The following SYNJ1 variants were observed in gnomAD, a reference collection of about 807,000 sequenced individuals.
SYNJ1 encodes polyphosphatidylinositol phosphatase SYNJ1.
SYNJ1 carries 78 observed loss-of-function variants against 168.2 expected under a neutral mutation model. That is an observed-to-expected ratio of 0.46 (90% CI 0.39 to 0.56). The LOEUF (loss-of-function observed/expected upper bound fraction) is 0.56. Among genes scored for constraint, SYNJ1 ranks in the 20% least tolerant of loss-of-function variants. SYNJ1 has a pLI of 0.00. For missense variants in SYNJ1, 1,303 were observed against 1,597.6 expected (o/e 0.82, Z 3.14); for synonymous variants, 539 against 548.6 (o/e 0.98, Z 0.24).
chr21:32,713,755 T>C (rs1048722312), intron 2 of SYNJ1, among the ~76,000 whole-genome samples: 1 of 148,730 alleles, frequency 6.7e-6, no homozygotes, highest in Non-Finnish European at 1.5e-5. Flanking sequence ...ATTTCCCATA[T>C]GTCAACATGG....
intron 4 of SYNJ1, among the ~76,000 whole-genome samples, chr21:32,696,243 T>C (rs2042209147): frequency 6.6e-6 from 1 of 152,222 alleles, no homozygotes; most frequent in South Asian, 2.1e-4. Context: ...GGCTACCACA[T>C]TAGATAGTGC....
chr21:32,653,400 A>G, intron 21 of SYNJ1, 34 bp from the exon 22 acceptor site: 1 of 1,498,700 alleles, frequency 6.7e-7, no homozygotes, highest in South Asian at 1.1e-5. Context: ...CATAATTAAT[A>G]CCATAGACAT....
intron 6 of SYNJ1, among the ~76,000 whole-genome samples, chr21:32,691,218 C>T (rs1325127708): frequency 2.0e-5 from 3 of 152,116 alleles, no homozygotes; most frequent in Non-Finnish European, 4.4e-5. Context: ...CACTATGCCC[C>T]CTTGTATTGT....
chr21:32,726,811 C>A lies in SYNJ1; in HGVS notation c.85G>T (p.Glu29Ter), dbSNP rs2043476872. 6 of 1,614,184 alleles carry A rather than the reference C, an allele frequency of 3.7e-6. No individual in the cohort carries two copies. Among genetic ancestry groups the A allele is most frequent in the Non-Finnish European group, 3.4e-6 (4 of 1,180,038 alleles). Reference sequence around the variant, plus strand: ...GCCCCAGACTCGAACATGAGACATTCTTCCTTATGCCTAGTTTCCACTATG... The same window carrying A: ...GCCCCAGACTCGAACATGAGACATTATTCCTTATGCCTAGTTTCCACTATG... ...SLIVETRHKE[E>*]CLMFESGAVA... The change falls in exon 2 of 33, where the codon GAA becomes TAA. Residue 29 changes from glutamate (E) to a stop codon, truncating the protein, a stop_gained. Coordinates refer to ENST00000674351, the MANE Select transcript of SYNJ1 (RefSeq NM_203446.3). LOFTEE classifies it high-confidence loss of function.
At chr21:32,665,389 A>G (rs1053863636) in intron 17 of SYNJ1, among the ~76,000 whole-genome samples, 7 of 152,192 alleles carry the variant, frequency 4.6e-5, no homozygotes, top group Admixed American at 1.3e-4. Context: ...GTATAGACTG[A>G]ACTCAAAGTC....
chr21:32,650,177 A>C lies in SYNJ1; in HGVS notation c.3037+7T>G. 1.3e-6 allele frequency: 2 copies of C among 1,596,434 alleles called. No individual in the cohort carries two copies. The highest frequency in any genetic ancestry group is 1.7e-6 in the Non-Finnish European group (2 of 1,174,782). On this transcript the variant is annotated splice_region_variant and intron_variant, in intron 23 of 32. Transcript: ENST00000674351. ...CTACAAGAAGTAAATGTGTTTAAGAAACAAACCTTCCATATCAAAATCTGC... is the reference window on the plus strand; with the variant it reads ...CTACAAGAAGTAAATGTGTTTAAGACACAAACCTTCCATATCAAAATCTGC...
chr21:32,697,957 C>G lies in SYNJ1; in HGVS notation c.479+1881G>C, dbSNP rs558048420. Among the ~76,000 whole-genome samples, 5 of 152,352 alleles carry G rather than the reference C, an allele frequency of 3.3e-5. No homozygotes were observed. The East Asian group carries it at 7.7e-4, about 24-fold the overall frequency. ...AGGAGGGAAAAAAATGTAAGGACAG[C>G]TGCAACACATTTACCTTTTCAAGGG... On this transcript the variant is annotated intron_variant, in intron 4 of 32. Coordinates refer to ENST00000674351, the MANE Select transcript of SYNJ1 (RefSeq NM_203446.3).
chr21:32,678,828 C>T (rs1421272325), intron 11 of SYNJ1, 27 bp from the exon 12 acceptor site: 2 of 1,589,576 alleles, frequency 1.3e-6, no homozygotes, highest in South Asian at 1.2e-5. Context: ...GAAAGGAGCG[C>T]AGATTTTCAT....
intron 9 of SYNJ1, among the ~76,000 whole-genome samples, chr21:32,684,327 G>C (rs1353571018): frequency 6.6e-6 from 1 of 152,150 alleles, no homozygotes; most frequent in East Asian, 1.9e-4. Context: ...TGTCACATAT[G>C]CTTCATTACA....
chr21:32,651,430 G>A (rs997547126), intron 22 of SYNJ1, among the ~76,000 whole-genome samples: 7 of 152,192 alleles, frequency 4.6e-5, no homozygotes, highest in African/African-American at 1.4e-4. Context: ...GTGTTTATTA[G>A]TAATTTAGCA....
At chr21:32,637,705 C>T (rs186192669) in intron 31 of SYNJ1, among the ~76,000 whole-genome samples, 9 of 152,234 alleles carry the variant, frequency 5.9e-5, no homozygotes, top group East Asian at 1.9e-4. Flanking sequence ...CATGAGCCAC[C>T]GCTCCCAGAC....
chr21:32,691,950 C>G (rs2042041225), intron 6 of SYNJ1, among the ~76,000 whole-genome samples: 1 of 152,144 alleles, frequency 6.6e-6, no homozygotes, highest in Non-Finnish European at 1.5e-5. Context: ...GCTGAGTAAA[C>G]CAGATCATAA....
chr21:32,643,312 T>C (rs2039924649), intron 27 of SYNJ1, 98 bp downstream of exon 27: 11 of 1,251,382 alleles, frequency 8.8e-6, no homozygotes, highest in Non-Finnish European at 1.0e-5. Context: ...CAAGAAAAGA[T>C]TTAGTATGCC....
chr21:32,641,027 A>G (rs2039811833), intron 29 of SYNJ1, among the ~76,000 whole-genome samples: 1 of 152,214 alleles, frequency 6.6e-6, no homozygotes, highest in Non-Finnish European at 1.5e-5. Flanking sequence ...AGGAGGATAA[A>G]TATTTGAAGA....
At chr21:32,670,571 T>A (rs976950314) in intron 14 of SYNJ1, among the ~76,000 whole-genome samples, 199 bp from the exon 15 acceptor site, 9 of 152,168 alleles carry the variant, frequency 5.9e-5, no homozygotes, top group African/African-American at 2.2e-4. Context: ...CTAAGTTTGC[T>A]TCTTTAAGAC....
chr21:32,725,670 T>A (rs1472504382), intron 2 of SYNJ1, among the ~76,000 whole-genome samples: 1 of 152,204 alleles, frequency 6.6e-6, no homozygotes, highest in Non-Finnish European at 1.5e-5. Flanking sequence ...TCTTCATTTA[T>A]TGAGGCTGGA....
intron 32 of SYNJ1, 50 bp from the exon 33 acceptor site, chr21:32,631,851 A>AC (rs766658116): frequency 6.8e-7 from 1 of 1,470,976 alleles, no homozygotes; most frequent in African/African-American, 1.4e-5. Context: ...TACTCTTAAT[A>AC]CCCCCTATTC....
intron 10 of SYNJ1, 69 bp from the exon 11 acceptor site, chr21:32,681,717 T>A: frequency 6.8e-7 from 1 of 1,461,262 alleles, no homozygotes; most frequent in Non-Finnish European, 9.1e-7. Flanking sequence ...TTTTAAGAAC[T>A]ACCAGAATCA....
intron 31 of SYNJ1, among the ~76,000 whole-genome samples, chr21:32,637,375 A>G (rs1280599592): frequency 6.7e-6 from 1 of 148,926 alleles, no homozygotes; most frequent in African/African-American, 2.5e-5. Context: ...CCATTATTAT[A>G]TATTTTCACC....
Sources: allele counts gnomAD v4.1 joint callset (sites outside exome capture counted in the v4.1 genomes callset), GRCh38; gene constraint gnomAD v4.1.1; transcripts MANE v1.5; gene names NCBI Gene and HGNC (gene_info 2026-07-23, HGNC 2026-07-21).